The following CLPTM1 variants were observed in gnomAD, a reference collection of about 807,000 sequenced individuals.
CLPTM1 encodes the protein CLPTM1 regulator of GABA type A receptor forward trafficking.
A neutral mutation model predicts 77.3 loss-of-function variants in CLPTM1; 21 were observed. The observed-to-expected ratio is 0.27, with a 90% confidence interval of 0.19 to 0.39. The LOEUF (loss-of-function observed/expected upper bound fraction) is 0.39, where lower values mean the gene tolerates loss of function less well. Ranked by LOEUF, CLPTM1 falls within the 10% of genes least tolerant of loss-of-function variation. CLPTM1 has a pLI of 1.00. For missense variants in CLPTM1, 642 were observed against 921.2 expected (o/e 0.70, Z 3.92); for synonymous variants, 373 against 381.0 (o/e 0.98, Z 0.24).
At chr19:44,962,670 T>C (rs1029321698) in intron 2 of CLPTM1, among the ~76,000 whole-genome samples, 1 of 152,108 alleles carries the variant, frequency 6.6e-6, no homozygotes, top group African/African-American at 2.4e-5. Flanking sequence ...TGACTCACCC[T>C]CATAATCCCA....
intron 3 of CLPTM1, among the ~76,000 whole-genome samples, chr19:44,974,014 T>G (rs1270716945): frequency 6.6e-6 from 1 of 152,078 alleles, no homozygotes; most frequent in African/African-American, 2.4e-5. Flanking sequence ...TCTACCCGCC[T>G]TGGCCTCCCA....
chr19:44,991,094 C>A lies in CLPTM1; in HGVS notation c.1420-144C>A. 2.3e-6 allele frequency: 3 copies of A among 1,291,210 alleles called. No individual in the cohort carries two copies. Among genetic ancestry groups the A allele is most frequent in the Non-Finnish European group, 3.2e-6 (3 of 928,078 alleles). The allele number at this position is 1,291,210 out of a possible 1,614,324, so 80.0% of individuals were successfully genotyped here. ...TCCCCCATCTGCCATAACTGCTTCC[C>A]TGGGCGAGTCCGGAGTCCCCAGGGC... On this transcript the variant is annotated intron_variant, in intron 11 of 13. Transcript: ENST00000337392. This position sits in a 1 kb window ranked among gnomAD's most constrained non-coding sequence, Gnocchi z 5.4.
intron 2 of CLPTM1, among the ~76,000 whole-genome samples, chr19:44,963,433 C>T (rs1970576883): frequency 6.7e-6 from 1 of 149,604 alleles, no homozygotes; most frequent in South Asian, 2.1e-4. Flanking sequence ...TCACGCCATT[C>T]TCCTGCCTCA....
chr19:44,975,572 T>G (rs1216880002), intron 4 of CLPTM1, among the ~76,000 whole-genome samples: 1 of 152,014 alleles, frequency 6.6e-6, no homozygotes, highest in African/African-American at 2.4e-5. Flanking sequence ...TTTTGTTTTT[T>G]GTTTTTTTTT....
intron 2 of CLPTM1, among the ~76,000 whole-genome samples, chr19:44,971,122 C>T (rs992225504): frequency 1.3e-5 from 2 of 152,086 alleles, no homozygotes; most frequent in Non-Finnish European, 2.9e-5. Context: ...TGAGCCACCG[C>T]GCCCGGCCGA....
intron 2 of CLPTM1, 91 bp from the exon 3 acceptor site, chr19:44,972,996 C>T (rs1970745565): frequency 6.5e-7 from 1 of 1,546,270 alleles, no homozygotes; most frequent in Non-Finnish European, 8.8e-7. Flanking sequence ...AGGTCAGGCG[C>T]CAGCATGTGC....
intron 7 of CLPTM1, 130 bp downstream of exon 7, chr19:44,986,705 C>T (rs930622503): frequency 1.7e-6 from 2 of 1,200,072 alleles, no homozygotes; most frequent in Non-Finnish European, 1.1e-6. Context: ...AAGCTCCCAC[C>T]CTGTCCTATC....
Position 44,955,387 on chromosome 19 carries a change from A to C in CLPTM1, c.-9A>C, listed in dbSNP as rs1267030467. The C allele has an allele frequency of 2.3e-6, 3 of 1,323,706 alleles. No individual in the cohort carries two copies. Among genetic ancestry groups the C allele is most frequent in the Admixed American group, 3.9e-5 (1 of 25,952 alleles). The allele number at this position is 1,323,706 out of a possible 1,614,324, so 82.0% of individuals were successfully genotyped here. On this transcript the variant is annotated 5_prime_UTR_variant, in exon 1 of 14. Coordinates refer to ENST00000337392, the MANE Select transcript of CLPTM1 (RefSeq NM_001294.4). ...GCTGGCGGCGGGGGCGGGGACCCGG[A>C]GCGGGAAGATGGCGGCGGCGCAGGA...
chr19:44,983,916 T>G (rs1040097038), intron 5 of CLPTM1, among the ~76,000 whole-genome samples: 1 of 151,972 alleles, frequency 6.6e-6, no homozygotes, highest in Non-Finnish European at 1.5e-5. Context: ...GAGCCGAGAT[T>G]GTGCCACTGC....
At chr19:44,955,179 T>G, upstream of CLPTM1, 1 of 1,535,200 alleles carries the variant, frequency 6.5e-7, no homozygotes, top group Non-Finnish European at 8.7e-7. Context: ...AGTGTTTTTA[T>G]TAGGTGGAAA....
intron 2 of CLPTM1, among the ~76,000 whole-genome samples, chr19:44,966,180 G>A (rs1970624821): frequency 6.6e-6 from 1 of 152,230 alleles, no homozygotes; most frequent in Non-Finnish European, 1.5e-5. Context: ...GGGAGGCCGA[G>A]GTGGGTGGAT....
At chr19:44,974,783 T>C (rs1295302357) in intron 4 of CLPTM1, among the ~76,000 whole-genome samples, 186 bp downstream of exon 4, 4 of 152,044 alleles carry the variant, frequency 2.6e-5, no homozygotes, top group Non-Finnish European at 5.9e-5. Flanking sequence ...TTCCCCTACC[T>C]GAAAAAGGTA....
intron 5 of CLPTM1, 50 bp downstream of exon 5, chr19:44,977,510 C>G (rs1970824541): frequency 7.3e-7 from 1 of 1,368,894 alleles, no homozygotes. Flanking sequence ...GGCCAGCATC[C>G]TGGGAGCCCC....
rs1256457499 is a variant in CLPTM1 at position 44,986,468 on chromosome 19, A to G, written c.686A>G (p.Tyr229Cys). The change falls in exon 7 of 14, where the codon TAT becomes TGT. Residue 229 changes from tyrosine (Y) to cysteine (C), a missense_variant. Tyr to Cys is a radical substitution (Grantham distance 194). This residue lies in a region of CLPTM1 where 521 missense variants were observed against 800.4 expected (regional missense o/e 0.65). Transcript: ENST00000337392. ...ATGTTGCCTCAGAGGGCTGAGGACT[A>G]TGGGCCTGTGGAGGTGATCTCCCAT... ...DPEMIKRAED[Y>C]GPVEVISHWH... is the part of the protein sequence containing the mutation. The G allele has an allele frequency of 5.0e-6, 8 of 1,614,082 alleles. No homozygotes were observed. Among genetic ancestry groups the G allele is most frequent in the South Asian group, 1.1e-5 (1 of 91,088 alleles).
At chr19:44,978,116 A>T (rs987237599) in intron 5 of CLPTM1, among the ~76,000 whole-genome samples, 1 of 151,750 alleles carries the variant, frequency 6.6e-6, no homozygotes, top group Non-Finnish European at 1.5e-5. Flanking sequence ...TCTCAAAAAG[A>T]TAGATAGAGG....
At chr19:44,986,916 G>A (rs1600044031) in intron 7 of CLPTM1, 5 of 545,446 alleles carry the variant, frequency 9.2e-6, no homozygotes, top group East Asian at 6.1e-5. Flanking sequence ...TATAAAACTG[G>A]GTTACATGGT....
intron 3 of CLPTM1, 115 bp from the exon 4 acceptor site, chr19:44,974,324 T>C (rs1970771391): frequency 7.0e-6 from 7 of 998,632 alleles, no homozygotes; most frequent in Admixed American, 2.4e-5. Flanking sequence ...TCCTCTCCCC[T>C]GTCCTCCATA....
chr19:44,991,494 A>G lies in CLPTM1; in HGVS notation c.1555+121A>G. On this transcript the variant is annotated intron_variant, in intron 12 of 13. Transcript: ENST00000337392. This position sits in a 1 kb window ranked among gnomAD's most constrained non-coding sequence, Gnocchi z 5.4. The stretch of plus-strand genomic sequence containing the variant: ...AACCTAGGGTGGGCAGAGCTGGGAT[A>G]TAGGGAGGCCCGAGGGCACACATGG... The G allele has an allele frequency of 7.9e-7, 1 of 1,266,126 alleles. No homozygotes were observed. The highest frequency in any genetic ancestry group is 2.4e-5 in the East Asian group (1 of 41,698). The allele number at this position is 1,266,126 out of a possible 1,614,324, so 78.4% of individuals were successfully genotyped here. A position where few individuals can be genotyped will look rare whatever the true frequency, so the allele number is the denominator to read the frequency against.
intron 7 of CLPTM1, 115 bp downstream of exon 7, chr19:44,986,690 C>A: frequency 7.6e-7 from 1 of 1,320,912 alleles, no homozygotes; most frequent in Admixed American, 2.3e-5. Flanking sequence ...GGGCTCCACC[C>A]TCCCAAGCTC....
Sources: gnomAD v4.1 joint callset for allele counts (sites outside exome capture counted in the v4.1 genomes callset) on GRCh38, gnomAD v4.1.1 for gene constraint, gnomAD v4.1.1 regional missense constraint, Gnocchi (gnomAD v3.1) non-coding constraint, MANE v1.5 for transcripts, NCBI Gene and HGNC (gene_info 2026-07-23, HGNC 2026-07-21) for gene names.